Variants in COL8A1 observed in about 807,000 individuals in gnomAD.
COL8A1 encodes collagen alpha-1(VIII) chain.
A neutral mutation model predicts 42.7 loss-of-function variants in COL8A1; 21 were observed. The observed-to-expected ratio is 0.49, with a 90% CI of 0.35 to 0.71. The LOEUF (loss-of-function observed/expected upper bound fraction) is 0.71, where lower values mean the gene tolerates loss of function less well. Ranked by LOEUF, COL8A1 falls within the 30% of genes least tolerant of loss-of-function variation. COL8A1 has a pLI of 0.01. For missense variants in COL8A1, 788 were observed against 962.4 expected (o/e 0.82, Z 2.40); for synonymous variants, 367 against 369.1 (o/e 0.99, Z 0.06).
chr3:99,740,230 C>G (rs1245660841), intron 1 of COL8A1, among the ~76,000 whole-genome samples: 3 of 152,200 alleles, frequency 2.0e-5, no homozygotes, highest in Non-Finnish European at 2.9e-5. Context: ...TCCTGTCTTT[C>G]TCTGAGCCCT....
chr3:99,662,015 T>G (rs980608168), intron 1 of COL8A1, among the ~76,000 whole-genome samples: 1 of 152,170 alleles, frequency 6.6e-6, no homozygotes, highest in Non-Finnish European at 1.5e-5. Context: ...TTTTGGAAGA[T>G]GAAGAGTTCT....
intron 2 of COL8A1, among the ~76,000 whole-genome samples, chr3:99,766,854 C>A (rs1287271112): frequency 1.3e-5 from 2 of 151,892 alleles, no homozygotes; most frequent in African/African-American, 4.8e-5. Flanking sequence ...GAGTCTGAGG[C>A]AGGAGAATCG....
chr3:99,694,868 C>T (rs1038427618), intron 1 of COL8A1, among the ~76,000 whole-genome samples: 2 of 152,160 alleles, frequency 1.3e-5, no homozygotes, highest in Non-Finnish European at 2.9e-5. Context: ...GAGCAAAATG[C>T]ATACCTTCTT....
chr3:99,759,391 C>T (rs1444838835), intron 2 of COL8A1, among the ~76,000 whole-genome samples: 1 of 152,146 alleles, frequency 6.6e-6, no homozygotes, highest in Non-Finnish European at 1.5e-5. Flanking sequence ...TAAAAAGCGA[C>T]AGAAAGACTT....
At chr3:99,733,215 G>T (rs1010380171) in intron 1 of COL8A1, among the ~76,000 whole-genome samples, 1 of 146,348 alleles carries the variant, frequency 6.8e-6, no homozygotes, top group Non-Finnish European at 1.5e-5. Flanking sequence ...AGTTACATAT[G>T]TATACATGTG....
At chr3:99,771,674 A>C (rs1941583667) in intron 2 of COL8A1, among the ~76,000 whole-genome samples, 1 of 152,324 alleles carries the variant, frequency 6.6e-6, no homozygotes, top group East Asian at 1.9e-4. Context: ...AGAATAAGCC[A>C]GCATCTCTTC....
chr3:99,770,685 G>A (rs569840340), intron 2 of COL8A1, among the ~76,000 whole-genome samples: 5 of 152,264 alleles, frequency 3.3e-5, no homozygotes, highest in African/African-American at 1.2e-4. Context: ...AAAGGACAGT[G>A]ATTAACATCC....
chr3:99,670,868 C>G (rs767998146), intron 1 of COL8A1, among the ~76,000 whole-genome samples: 1 of 151,794 alleles, frequency 6.6e-6, no homozygotes, highest in Non-Finnish European at 1.5e-5. Context: ...TAAGGTACTC[C>G]CATTCACTGC....
At chr3:99,720,282 G>C (rs907469299) in intron 1 of COL8A1, among the ~76,000 whole-genome samples, 3 of 152,054 alleles carry the variant, frequency 2.0e-5, no homozygotes, top group African/African-American at 7.2e-5. Context: ...TTGCGCATTG[G>C]CTGACCCAGC....
At chr3:99,696,716 T>G (rs1221952570) in intron 1 of COL8A1, among the ~76,000 whole-genome samples, 1 of 152,116 alleles carries the variant, frequency 6.6e-6, no homozygotes, top group Non-Finnish European at 1.5e-5. Flanking sequence ...TAATGCAGCA[T>G]CATAACAGAA....
chr3:99,689,285 A>G (rs1449765155), intron 1 of COL8A1, among the ~76,000 whole-genome samples: 6 of 152,246 alleles, frequency 3.9e-5, no homozygotes, highest in African/African-American at 9.6e-5. Flanking sequence ...GCATTTAATT[A>G]CTTGGATATC....
At chr3:99,730,867 C>T (rs1940485316) in intron 1 of COL8A1, among the ~76,000 whole-genome samples, 1 of 152,054 alleles carries the variant, frequency 6.6e-6, no homozygotes, top group Admixed American at 6.6e-5. Flanking sequence ...AAGCTATGTA[C>T]TTAACTCTAA....
rs1192886367 is a variant in COL8A1 at position 99,669,153 on chromosome 3, A to G, written c.-129+30489A>G. ...TATATATATATATATATATAGAGGG[A>G]GAGAGAGAGAGAGAGAGAGAGAGAG... On this transcript the variant is annotated intron_variant, in intron 1 of 3. Coordinates refer to ENST00000652472, the MANE Select transcript of COL8A1 (RefSeq NM_020351.4). Among the ~76,000 whole-genome samples, 183 of 59,646 alleles carry G rather than the reference A, an allele frequency of 3.1e-3. 3 individuals are homozygous for G. Among genetic ancestry groups the G allele is most frequent in the African/African-American group, 8.9e-3 (160 of 17,914 alleles). 39.1% of individuals were successfully genotyped at this position (59,646 alleles called of 152,430 possible). A position where few individuals can be genotyped will look rare whatever the true frequency, so the allele number is the denominator to read the frequency against.
chr3:99,663,582 T>C (rs960209305), intron 1 of COL8A1, among the ~76,000 whole-genome samples: 2 of 152,190 alleles, frequency 1.3e-5, no homozygotes, highest in African/African-American at 4.8e-5. Context: ...TGCAAGCTGA[T>C]GTCTAACTCT....
chr3:99,788,028 T>C (rs1296291988), intron 2 of COL8A1, among the ~76,000 whole-genome samples: 1 of 152,158 alleles, frequency 6.6e-6, no homozygotes, highest in African/African-American at 2.4e-5. Context: ...ATTCCAAGGC[T>C]CCTTCTTTCT....
At chr3:99,697,222 G>A (rs1177340434) in intron 1 of COL8A1, among the ~76,000 whole-genome samples, 1 of 151,740 alleles carries the variant, frequency 6.6e-6, no homozygotes, top group Admixed American at 6.6e-5. Context: ...TCCTGACCTC[G>A]TGATCCGCCC....
intron 1 of COL8A1, among the ~76,000 whole-genome samples, chr3:99,685,193 G>A (rs1201746929): frequency 1.3e-5 from 2 of 152,112 alleles, no homozygotes; most frequent in Non-Finnish European, 1.5e-5. Flanking sequence ...AGCATTGGAA[G>A]CTAATGGAAA....
intron 1 of COL8A1, among the ~76,000 whole-genome samples, chr3:99,731,836 G>A (rs116666848): frequency 1.4e-3 from 215 of 152,258 alleles, no homozygotes; most frequent in African/African-American, 4.8e-3. Flanking sequence ...AGATATGGAG[G>A]TCAGATGGTG....
intron 1 of COL8A1, among the ~76,000 whole-genome samples, chr3:99,670,484 A>G (rs1412447106): frequency 6.6e-6 from 1 of 152,070 alleles, no homozygotes; most frequent in Non-Finnish European, 1.5e-5. Flanking sequence ...TATTAATATT[A>G]GTTTTGATTG....
Sources: gnomAD v4.1 joint callset for allele counts (sites outside exome capture counted in the v4.1 genomes callset) on GRCh38, gnomAD v4.1.1 for gene constraint, MANE v1.5 for transcripts, NCBI Gene and HGNC (gene_info 2026-07-23, HGNC 2026-07-21) for gene names.